SUGCT: variants seen among roughly 807,000 people sequenced by gnomAD.
The protein encoded by SUGCT is succinyl-CoA:glutarate-CoA transferase.
Under a neutral mutation model 55.0 loss-of-function variants are expected in SUGCT, and 41 were observed. That is an observed-to-expected ratio of 0.74 (90% CI 0.58 to 0.97). The LOEUF (loss-of-function observed/expected upper bound fraction) is 0.97, where lower values mean the gene tolerates loss of function less well. Among genes scored for constraint, SUGCT ranks in the 50% least tolerant of loss-of-function variants. The pLI, the probability that SUGCT is intolerant of heterozygous loss-of-function variation, is 0.00. For missense variants in SUGCT, 568 were observed against 547.8 expected (o/e 1.04, Z -0.37); for synonymous variants, 187 against 200.4 (o/e 0.93, Z 0.56).
intron 9 of SUGCT, among the ~76,000 whole-genome samples, chr7:40,356,312 CAT>C (rs1407075142): frequency 2.0e-5 from 3 of 152,188 alleles, no homozygotes; most frequent in African/African-American, 7.2e-5. Flanking sequence ...ATTCATTAAA[CAT>C]ATTGTCAAAT....
chr7:40,835,226 T>G (rs2128782394), intron 13 of SUGCT, among the ~76,000 whole-genome samples: 1 of 152,322 alleles, frequency 6.6e-6, no homozygotes, highest in African/African-American at 2.4e-5. Flanking sequence ...GCCTTCCTCT[T>G]CCATTTCACC....
chr7:40,447,563 T>C (rs1788909609), intron 9 of SUGCT, among the ~76,000 whole-genome samples: 1 of 152,040 alleles, frequency 6.6e-6, no homozygotes. Context: ...CGCTCTTATG[T>C]CATTATAGAA....
At chr7:40,200,075 G>A (rs1284685501) in intron 6 of SUGCT, among the ~76,000 whole-genome samples, 2 of 152,252 alleles carry the variant, frequency 1.3e-5, no homozygotes, top group South Asian at 4.1e-4. Context: ...TGGTACATGA[G>A]TATTCGTCAT....
chr7:40,999,395 C>G, the SUGCT span, among the ~76,000 whole-genome samples: 157 of 152,216 alleles, frequency 1.0e-3, no homozygotes, highest in African/African-American at 3.7e-3. Flanking sequence ...AATTTCTATG[C>G]TTGAATTTCT....
chr7:40,975,493 G>T, the SUGCT span, among the ~76,000 whole-genome samples: 1 of 152,176 alleles, frequency 6.6e-6, no homozygotes, highest in Non-Finnish European at 1.5e-5. Flanking sequence ...ACCAATAGTT[G>T]TATTTTCTTT....
intron 6 of SUGCT, among the ~76,000 whole-genome samples, chr7:40,216,904 A>T (rs751797770): frequency 6.6e-6 from 1 of 151,656 alleles, no homozygotes; most frequent in African/African-American, 2.4e-5. Context: ...CCCTCTCCAT[A>T]TAAGAAAGAA....
chr7:40,299,419 G>T (rs1479854619), intron 8 of SUGCT, among the ~76,000 whole-genome samples: 2 of 152,140 alleles, frequency 1.3e-5, no homozygotes, highest in Non-Finnish European at 2.9e-5. Context: ...AACTGTCACA[G>T]GTTGCATTTG....
chr7:40,559,215 AG>A (rs1484576103), intron 12 of SUGCT, among the ~76,000 whole-genome samples: 1 of 152,222 alleles, frequency 6.6e-6, no homozygotes, highest in African/African-American at 2.4e-5. Flanking sequence ...GTCTCCAGCC[AG>A]ATGCTCCATC....
In SUGCT at chr7:40,649,402, G is replaced by C. The variant is rs541863195; in HGVS notation, c.1090-100032G>C. 8.6e-5 allele frequency among the ~76,000 whole-genome samples: 13 copies of C among 150,568 alleles called. 1 individual carries two copies. The East Asian group carries it at 1.0e-3, about 12-fold the overall frequency. On this transcript the variant is annotated intron_variant, in intron 12 of 13. Transcript: ENST00000335693. Reference sequence around the variant, plus strand: ...CATGTCACACCTCTGCTTTACAGATGGGGGGGGAAGGATTGAGAGATTATG... The same window carrying C: ...CATGTCACACCTCTGCTTTACAGATCGGGGGGGAAGGATTGAGAGATTATG...
At chr7:40,903,628 A>G in the SUGCT span, among the ~76,000 whole-genome samples, 1 of 152,164 alleles carries the variant, frequency 6.6e-6, no homozygotes, top group South Asian at 2.1e-4. Context: ...GCTTCATTTT[A>G]CTTAGATAAA....
At chr7:40,870,110 A>AC in the SUGCT span, among the ~76,000 whole-genome samples, 2 of 152,204 alleles carry the variant, frequency 1.3e-5, no homozygotes, top group Non-Finnish European at 1.5e-5. Context: ...GTAACAAATT[A>AC]CCACACTCAT....
At chr7:40,796,687 T>C (rs1790570233) in intron 13 of SUGCT, among the ~76,000 whole-genome samples, 1 of 152,216 alleles carries the variant, frequency 6.6e-6, no homozygotes, top group African/African-American at 2.4e-5. Flanking sequence ...CAACTTTTTC[T>C]GATATCACAC....
chr7:40,813,231 G>A (rs749077604), intron 13 of SUGCT, among the ~76,000 whole-genome samples: 1 of 152,076 alleles, frequency 6.6e-6, no homozygotes, highest in Non-Finnish European at 1.5e-5. Context: ...GGTCCATTTG[G>A]TCAACTGTGA....
At chr7:40,640,688 A>AC (rs892159238) in intron 12 of SUGCT, among the ~76,000 whole-genome samples, 1 of 151,720 alleles carries the variant, frequency 6.6e-6, no homozygotes, top group Non-Finnish European at 1.5e-5. Context: ...GCACACACAC[A>AC]CCCCCCACAA....
At chr7:40,222,194 G>T (rs1788058206) in intron 6 of SUGCT, among the ~76,000 whole-genome samples, 1 of 152,244 alleles carries the variant, frequency 6.6e-6, no homozygotes, top group Admixed American at 6.5e-5. Flanking sequence ...GTGTAAAAAA[G>T]TCTGGTGGTG....
intron 6 of SUGCT, among the ~76,000 whole-genome samples, chr7:40,220,268 A>G (rs1205979198): frequency 6.6e-6 from 1 of 152,236 alleles, no homozygotes. Context: ...ACCCAGAAGT[A>G]GGAACTACTT....
chr7:40,473,113 G>T (rs889895561), intron 11 of SUGCT, among the ~76,000 whole-genome samples: 2 of 152,172 alleles, frequency 1.3e-5, no homozygotes, highest in South Asian at 2.1e-4. Flanking sequence ...TTCAGTGGGA[G>T]AGTGAATGTT....
intron 12 of SUGCT, among the ~76,000 whole-genome samples, chr7:40,581,841 C>T (rs1046969934): frequency 9.9e-5 from 15 of 152,104 alleles, no homozygotes; most frequent in Admixed American, 2.0e-4. Flanking sequence ...GAGAGAATCT[C>T]GAGGAGTCCA....
chr7:40,858,329 G>A (rs892586079), intron 13 of SUGCT, among the ~76,000 whole-genome samples: 2 of 150,736 alleles, frequency 1.3e-5, no homozygotes, highest in African/African-American at 4.9e-5. Flanking sequence ...CTTGAATCTG[G>A]GAGGCGGAGG....
Sources: allele counts gnomAD v4.1 joint callset (sites outside exome capture counted in the v4.1 genomes callset), GRCh38; gene constraint gnomAD v4.1.1; transcripts MANE v1.5; gene names NCBI Gene and HGNC (gene_info 2026-07-23, HGNC 2026-07-21).